Variants in SLC15A1 observed in about 807,000 individuals in gnomAD.
SLC15A1 encodes Caco-2 oligopeptide transporter.
A neutral mutation model predicts 92.9 loss-of-function variants in SLC15A1; 83 were observed. The ratio of observed to expected loss-of-function variants is 0.89; its 90% CI spans 0.75 to 1.07. SLC15A1 has a LOEUF of 1.07. SLC15A1 is among the 50% of genes least tolerant of loss of function. SLC15A1 has a pLI of 0.00. For synonymous variants in SLC15A1, 322 were observed against 318.2 expected (o/e 1.01, Z -0.13); for missense variants, 857 against 880.1 (o/e 0.97, Z 0.33).
intron 17 of SLC15A1, among the ~76,000 whole-genome samples, chr13:98,703,615 G>A (rs2088088273): frequency 7.9e-6 from 1 of 126,296 alleles, no homozygotes; most frequent in South Asian, 2.7e-4. Flanking sequence ...GGAGCACATT[G>A]GCATGAACAT....
At chr13:98,725,082 C>T (rs1346319876) in intron 4 of SLC15A1, among the ~76,000 whole-genome samples, 1 of 152,112 alleles carries the variant, frequency 6.6e-6, no homozygotes, top group Non-Finnish European at 1.5e-5. Flanking sequence ...TGACACTTCC[C>T]TCCTCTCTCT....
rs2087910965 is a variant in SLC15A1, at chr13:98,684,231, G to A, written c.*493C>T. The A allele has an allele frequency of 6.5e-6, 1 of 154,776 alleles. No homozygotes were observed. 9.6% of individuals were successfully genotyped at this position (154,776 alleles called of 1,614,324 possible). A position where few individuals can be genotyped will look rare whatever the true frequency, so the allele number is the denominator to read the frequency against. ...ACAGAAGACTTCTTCCAGAGTTTTAGATTCACTGCTGGCTGCTTAGAAAAT... is the reference window on the plus strand; with the variant it reads ...ACAGAAGACTTCTTCCAGAGTTTTAAATTCACTGCTGGCTGCTTAGAAAAT... On this transcript the variant is annotated 3_prime_UTR_variant, in exon 23 of 23. Coordinates refer to ENST00000376503, the MANE Select transcript of SLC15A1 (RefSeq NM_005073.4).
intron 21 of SLC15A1, among the ~76,000 whole-genome samples, chr13:98,687,111 C>T (rs1240014112): frequency 2.6e-5 from 4 of 151,936 alleles, no homozygotes; most frequent in Non-Finnish European, 5.9e-5. Context: ...CCATGCTCAG[C>T]TAATGTGTTT....
intron 8 of SLC15A1, among the ~76,000 whole-genome samples, chr13:98,718,300 CTTTTTTTT>C (rs532286337): frequency 7.1e-5 from 6 of 84,128 alleles, no homozygotes; most frequent in African/African-American, 3.4e-4. Flanking sequence ...TCACCTTCAT[CTTTTTTTT>C]TTTTTTTTTT....
chr13:98,752,544 C>G, intron 1 of SLC15A1, 51 bp downstream of exon 1: 1 of 1,271,070 alleles, frequency 7.9e-7, no homozygotes, highest in Non-Finnish European at 9.9e-7. Context: ...GCCCCCGCCC[C>G]GCGTAGCTCC....
chr13:98,735,106 C>T (rs1369585803), intron 1 of SLC15A1, among the ~76,000 whole-genome samples: 2 of 152,122 alleles, frequency 1.3e-5, no homozygotes, highest in African/African-American at 2.4e-5. Context: ...ACTGGCAAAC[C>T]GAATCCAGCA....
Position 98,747,288 on chromosome 13 carries a change from T to C in SLC15A1, c.4+5307A>G, listed in dbSNP as rs1308300392. 2.0e-5 allele frequency among the ~76,000 whole-genome samples: 3 copies of C among 152,220 alleles called. No homozygotes were observed. The East Asian group carries it at 5.8e-4, about 29-fold the overall frequency. On this transcript the variant is annotated intron_variant, in intron 1 of 22. Transcript: ENST00000376503. ...CTCAGGCCTGACCCTTGTTTTTATT[T>C]CCTTATCGGCTCACCTGGGACACCT...
In SLC15A1 at chr13:98,686,312, C is replaced by T; in HGVS notation, c.1828-15G>A. 1.3e-6 allele frequency: 2 copies of T among 1,572,262 alleles called. No homozygotes were observed. The highest frequency in any genetic ancestry group is 2.7e-5 in the African/African-American group (2 of 74,118). ...TTGGAAGGAGCCTGAGGAAGCAAAG[C>T]AAAGTGAGTCCTGCTCCAGGTCTCA... On this transcript the variant is annotated splice_polypyrimidine_tract_variant and intron_variant, in intron 21 of 22. Coordinates refer to ENST00000376503, the MANE Select transcript of SLC15A1 (RefSeq NM_005073.4).
In SLC15A1 at chr13:98,687,673, C is replaced by T; in HGVS notation, c.1735G>A (p.Val579Ile). Residue 579 changes from valine to isoleucine, a missense_variant, in exon 21 of 23, where the codon GTT (valine) becomes ATT (isoleucine). Physicochemically the swap from Val to Ile is conservative, Grantham distance 29. Coordinates refer to ENST00000376503, the MANE Select transcript of SLC15A1 (RefSeq NM_005073.4). ...TGCGGGATTTGCAGAGCCATGTTAA[C>T]TGTGTTGGCTGAAATATCTTCAAAC... ...KVFEDISANT[V>I]NMALQIPQYF... The T allele has an allele frequency of 4.3e-6, 7 of 1,614,152 alleles. No homozygotes were observed. Among genetic ancestry groups the T allele is most frequent in the Non-Finnish European group, 5.9e-6 (7 of 1,180,006 alleles).
intron 22 of SLC15A1, 74 bp downstream of exon 22, chr13:98,686,116 G>T: frequency 9.2e-7 from 1 of 1,083,816 alleles, no homozygotes; most frequent in Non-Finnish European, 1.4e-6. Flanking sequence ...CACACAGATG[G>T]CTAGGGAAGG....
chr13:98,697,979 T>C (rs1230442188), intron 18 of SLC15A1, among the ~76,000 whole-genome samples: 1 of 152,106 alleles, frequency 6.6e-6, no homozygotes, highest in Non-Finnish European at 1.5e-5. Flanking sequence ...AATAATAGTA[T>C]AATTAGGAAG....
In SLC15A1 at chr13:98,741,933, T is replaced by C. The variant is rs753331324; in HGVS notation, c.4+10662A>G. Among the ~76,000 whole-genome samples, 67 of 152,162 alleles carry C rather than the reference T, an allele frequency of 4.4e-4. 1 individual carries two copies. Among genetic ancestry groups the C allele is most frequent in the African/African-American group, 7.2e-5 (3 of 41,434 alleles). The stretch of plus-strand genomic sequence containing the variant: ...TCACTAACCCCTAACGGCAGGAAAC[T>C]AACTTAGAAACCATGTGGGGAAACT... On this transcript the variant is annotated intron_variant, in intron 1 of 22. Coordinates refer to ENST00000376503, the MANE Select transcript of SLC15A1 (RefSeq NM_005073.4).
At chr13:98,737,943 C>T (rs1472094152) in intron 1 of SLC15A1, among the ~76,000 whole-genome samples, 3 of 152,128 alleles carry the variant, frequency 2.0e-5, no homozygotes, top group Non-Finnish European at 4.4e-5. Flanking sequence ...CTGAAGAGGT[C>T]TCAGGTGGAA....
At chr13:98,723,817 C>T in intron 5 of SLC15A1, 95 bp downstream of exon 5, 1 of 1,554,186 alleles carries the variant, frequency 6.4e-7, no homozygotes, top group South Asian at 1.2e-5. Flanking sequence ...CCTCCTTATG[C>T]TCTCAGTGAA....
In SLC15A1 at chr13:98,688,317, T is replaced by C; in HGVS notation, c.1614A>G (p.Gln538=). ...FTISSTEIPP[Q]CQPNFNTFYL... is the part of the protein sequence containing the mutation. ...AGAAAGTATTGAAATTAGGTTGACA[T>C]TGTGGCGGAATCTCTGTTGAGCTTA... The change falls in exon 20 of 23, where the codon CAA becomes CAG. Residue 538 remains glutamine, a synonymous_variant. Transcript: ENST00000376503. 1 of 1,614,086 alleles carries C rather than the reference T, an allele frequency of 6.2e-7. No individual in the cohort carries two copies. Among genetic ancestry groups the C allele is most frequent in the Non-Finnish European group, 8.5e-7 (1 of 1,179,988 alleles).
chr13:98,704,326 TG>T lies in SLC15A1; in HGVS notation c.1378del (p.His460ThrfsTer4). 6.2e-7 allele frequency: 1 copy of T among 1,613,624 alleles called. No individual in the cohort carries two copies. The highest frequency in any genetic ancestry group is 8.5e-7 in the Non-Finnish European group (1 of 1,179,736). On this transcript the variant is annotated frameshift_variant, in exon 17 of 23. Transcript: ENST00000376503. LOFTEE classifies it high-confidence loss of function. Reference sequence around the variant, plus strand: ...ATTGGGGGCCCACACTAGAAGCGTGTGGCGTTGGCCCTGCTTGAAGTCGTCA... The same window carrying T: ...ATTGGGGGCCCACACTAGAAGCGTGTGCGTTGGCCCTGCTTGAAGTCGTCA... ...VTDDFKQGQR[H>X]TLLVWAPNHY...
At chr13:98,732,063 A>G (rs4646215) in intron 1 of SLC15A1, among the ~76,000 whole-genome samples, 22,382 of 152,264 alleles carry the variant, frequency 0.15, 1,850 homozygotes, top group African/African-American at 0.21. Flanking sequence ...ACCTGTGTCA[A>G]CAGGATTGCT....
chr13:98,716,627 A>G lies in SLC15A1; in HGVS notation c.641-667T>C, dbSNP rs147268812. Among the ~76,000 whole-genome samples the G allele has an allele frequency of 2.0e-5, 3 of 152,254 alleles. No homozygotes were observed. The East Asian group carries it at 5.8e-4, about 29-fold the overall frequency. ...ACAGAGTGAAACTCCATATCAAAAT[A>G]ATAAAAATAAAAATAAATGGAGCTG... On this transcript the variant is annotated intron_variant, in intron 8 of 22. Coordinates refer to ENST00000376503, the MANE Select transcript of SLC15A1 (RefSeq NM_005073.4).
chr13:98,706,817 G>A (rs1379482091), intron 15 of SLC15A1, among the ~76,000 whole-genome samples: 2 of 152,232 alleles, frequency 1.3e-5, no homozygotes, highest in South Asian at 4.2e-4. Context: ...ATACGTGAAC[G>A]AGTCAGAAAG....
Sources: allele counts gnomAD v4.1 joint callset (sites outside exome capture counted in the v4.1 genomes callset), GRCh38; gene constraint gnomAD v4.1.1; transcripts MANE v1.5; gene names NCBI Gene and HGNC (gene_info 2026-07-23, HGNC 2026-07-21).